The following FHIP1A variants were observed in gnomAD, a reference collection of about 807,000 sequenced individuals.
FHIP1A encodes FHF complex subunit HOOK-interacting protein 1A.
A neutral mutation model predicts 88.6 loss-of-function variants in FHIP1A; 61 were observed. The observed-to-expected ratio is 0.69, with a 90% CI of 0.56 to 0.85. FHIP1A has a LOEUF of 0.85. Ranked by LOEUF, FHIP1A falls within the 40% of genes least tolerant of loss-of-function variation. The probability of loss-of-function intolerance (pLI) is 0.00; values close to 1 mark genes in which losing one functional copy is unlikely to be tolerated. For missense variants in FHIP1A, 1,154 were observed against 1,273.5 expected, an observed-to-expected ratio of 0.91 and a Z score of 1.43; for synonymous variants, 478 against 496.0, an observed-to-expected ratio of 0.96 and a Z score of 0.48.
In FHIP1A at chr4:151,577,638, G is replaced by T. The variant is rs539212221; in HGVS notation, c.294G>T (p.Met98Ile). 6.4e-7 allele frequency: 1 copy of T among 1,551,754 alleles called. No homozygotes were observed. Among genetic ancestry groups the T allele is most frequent in the Admixed American group, 2.0e-5 (1 of 50,990 alleles). The change falls in exon 5 of 14, where the codon ATG becomes ATT. Residue 98 changes from methionine (M) to isoleucine (I), a missense_variant. Physicochemically the swap from Met to Ile is conservative, Grantham distance 10. Transcript: ENST00000435205. ...AATTTGTGGTCTCTGAGAACATCAT[G>T]GAGAAACTTTTCCTTTGGAGCTTGA... Reference protein sequence around the residue: ...ILEFVVSENIMEKLFLWSLRR... With the variant: ...ILEFVVSENIIEKLFLWSLRR...
At chr4:151,418,319 A>C (rs533262546) in intron 1 of FHIP1A, among the ~76,000 whole-genome samples, 19 of 152,238 alleles carry the variant, frequency 1.2e-4, no homozygotes, top group Middle Eastern at 3.4e-3. Flanking sequence ...AGCTTGATTA[A>C]GTTTGACCTC....
chr4:151,641,922 T>C (rs1736601614), intron 9 of FHIP1A, among the ~76,000 whole-genome samples: 2 of 152,268 alleles, frequency 1.3e-5, no homozygotes, highest in Admixed American at 6.5e-5. Context: ...ATTATGTGAC[T>C]GCGTTTAATG....
chr4:151,419,380 T>G (rs1020332764), intron 1 of FHIP1A, among the ~76,000 whole-genome samples: 4 of 152,186 alleles, frequency 2.6e-5, no homozygotes, highest in African/African-American at 9.6e-5. Context: ...ACTGCAGATC[T>G]TGAGACTTCT....
At chr4:151,449,534 A>G (rs991615760) in intron 1 of FHIP1A, among the ~76,000 whole-genome samples, 1 of 152,140 alleles carries the variant, frequency 6.6e-6, no homozygotes, top group Non-Finnish European at 1.5e-5. Context: ...TTGTGGTGAG[A>G]ACATTCAAAA....
Position 151,649,959 on chromosome 4 carries a change from G to T in FHIP1A, c.1918G>T (p.Asp640Tyr). 1 of 1,551,628 alleles carries T rather than the reference G, an allele frequency of 6.4e-7. No homozygotes were observed. The change falls in exon 11 of 14, where the codon GAT becomes TAT. Residue 640 changes from aspartate to tyrosine, a missense_variant. Physicochemically the swap from Asp to Tyr is radical, Grantham distance 160. Transcript: ENST00000435205. ...CTACATAGAAGAGTCGGACTTTCAG[G>T]ATGATGTGATGGTGTACAGGCTGTG... ...GSYIEESDFQ[D>Y]DVMVYRLCAE...
intron 7 of FHIP1A, among the ~76,000 whole-genome samples, chr4:151,628,490 T>A (rs1388515881): frequency 2.0e-5 from 3 of 152,172 alleles, no homozygotes; most frequent in African/African-American, 7.2e-5. Context: ...ATCTGTGGAT[T>A]TTAAAAGCCG....
At chr4:151,556,635 T>G (rs1310877931) in intron 3 of FHIP1A, among the ~76,000 whole-genome samples, 7 of 152,154 alleles carry the variant, frequency 4.6e-5, no homozygotes, top group Non-Finnish European at 5.9e-5. Context: ...GAGCTCCAGT[T>G]TTGTATAGTC....
At chr4:151,499,767 A>G (rs1730584845) in intron 3 of FHIP1A, among the ~76,000 whole-genome samples, 1 of 152,230 alleles carries the variant, frequency 6.6e-6, no homozygotes, top group African/African-American at 2.4e-5. Flanking sequence ...AGGAAGGAGA[A>G]GTGCAAAAGG....
At chr4:151,539,397 C>T (rs1406540278) in intron 3 of FHIP1A, among the ~76,000 whole-genome samples, 5 of 151,534 alleles carry the variant, frequency 3.3e-5, no homozygotes, top group South Asian at 4.2e-4. Flanking sequence ...GCCTGGCCAA[C>T]GTGGTGAAAA....
chr4:151,582,422 A>C (rs972589506), intron 5 of FHIP1A, among the ~76,000 whole-genome samples: 1 of 151,910 alleles, frequency 6.6e-6, no homozygotes, highest in Non-Finnish European at 1.5e-5. Flanking sequence ...ACATTATGCT[A>C]ATCTTGGTAG....
chr4:151,611,804 G>T (rs183805255), intron 7 of FHIP1A, among the ~76,000 whole-genome samples: 2 of 152,162 alleles, frequency 1.3e-5, no homozygotes, highest in African/African-American at 4.8e-5. Flanking sequence ...ACCAGTAGGT[G>T]TTCTATGTAT....
At position 151,566,277 on chromosome 4, in the gene FHIP1A, G is replaced by T; in HGVS notation, c.18G>T (p.Ser6=). Residue 6 remains serine, a synonymous_variant, in exon 4 of 14, where the codon TCG becomes TCT. Transcript: ENST00000435205. ...GAAGGCTTATGATGTCATCGGTTTCGACAGAAAGCAAACTCCAGCAGGCTG... is the reference window on the plus strand; with the variant it reads ...GAAGGCTTATGATGTCATCGGTTTCTACAGAAAGCAAACTCCAGCAGGCTG... The part of the protein sequence containing the change: MMSSV[S]TESKLQQAVS... 1.3e-6 allele frequency: 2 copies of T among 1,549,756 alleles called. No homozygotes were observed. Among genetic ancestry groups the T allele is most frequent in the South Asian group, 2.4e-5 (2 of 83,864 alleles).
intron 3 of FHIP1A, among the ~76,000 whole-genome samples, chr4:151,521,913 A>T (rs1236119826): frequency 1.3e-5 from 2 of 151,848 alleles, no homozygotes; most frequent in Non-Finnish European, 2.9e-5. Context: ...TTTTGTGGAG[A>T]TGGGGTCTCC....
chr4:151,464,318 G>C (rs1172967639), intron 2 of FHIP1A, among the ~76,000 whole-genome samples: 1 of 152,174 alleles, frequency 6.6e-6, no homozygotes, highest in Non-Finnish European at 1.5e-5. Context: ...CCTCTAAAGG[G>C]ATAGTAAAAC....
intron 4 of FHIP1A, among the ~76,000 whole-genome samples, chr4:151,573,893 G>A (rs1733688644): frequency 6.6e-6 from 1 of 152,194 alleles, no homozygotes; most frequent in Admixed American, 6.5e-5. Context: ...TATAGAAACT[G>A]AAAGAACTAT....
chr4:151,637,503 G>A (rs1308848647), intron 8 of FHIP1A, among the ~76,000 whole-genome samples: 1 of 152,156 alleles, frequency 6.6e-6, no homozygotes, highest in Non-Finnish European at 1.5e-5. Context: ...TTAACAGTGA[G>A]CGGTAGGGGT....
rs6843755 is a variant in FHIP1A at position 151,665,442 on chromosome 4, C to T, written c.*2688C>T. 1.3e-5 allele frequency among the ~76,000 whole-genome samples: 2 copies of T among 152,152 alleles called. No individual in the cohort carries two copies. The highest frequency in any genetic ancestry group is 2.9e-5 in the Non-Finnish European group (2 of 68,038). The stretch of plus-strand genomic sequence containing the variant: ...TCCTGTTTCTGAATCCATTACAGTC[C>T]TCAGAGGTTTTTGTCCATGGTTTTG... On this transcript the variant is annotated 3_prime_UTR_variant, in exon 14 of 14. Transcript: ENST00000435205.
chr4:151,443,354 G>A (rs1728476324), intron 1 of FHIP1A, among the ~76,000 whole-genome samples: 1 of 152,036 alleles, frequency 6.6e-6, no homozygotes, highest in Admixed American at 6.6e-5. Flanking sequence ...ATCTTGCTCT[G>A]TCACCCAGGC....
chr4:151,645,165 G>A (rs942101629), intron 9 of FHIP1A, among the ~76,000 whole-genome samples: 3 of 152,184 alleles, frequency 2.0e-5, no homozygotes, highest in Non-Finnish European at 4.4e-5. Context: ...CCTGCAGGGT[G>A]TGTCTGGTTC....
Sources: gnomAD v4.1 joint callset for allele counts (sites outside exome capture counted in the v4.1 genomes callset) on GRCh38, gnomAD v4.1.1 for gene constraint, MANE v1.5 for transcripts, NCBI Gene and HGNC (gene_info 2026-07-23, HGNC 2026-07-21) for gene names.